PRKAG2: variants seen among roughly 807,000 people sequenced by gnomAD.
The protein encoded by PRKAG2 is protein kinase AMP-activated non-catalytic subunit gamma 2.
PRKAG2 carries 26 observed loss-of-function variants against 69.6 expected under a neutral mutation model. The ratio of observed to expected loss-of-function variants is 0.37; its 90% CI spans 0.27 to 0.52. The LOEUF (loss-of-function observed/expected upper bound fraction) is 0.52, where lower values mean the gene tolerates loss of function less well. PRKAG2 is among the 20% of genes least tolerant of loss of function. The pLI, the probability that PRKAG2 is intolerant of heterozygous loss-of-function variation, is 0.90. For missense variants in PRKAG2, 557 were observed against 740.0 expected (o/e 0.75, Z 2.87); for synonymous variants, 293 against 285.0 (o/e 1.03, Z -0.28).
intron 6 of PRKAG2, among the ~76,000 whole-genome samples, chr7:151,577,667 A>C (rs1180150922): frequency 6.6e-6 from 1 of 152,190 alleles, no homozygotes; most frequent in Non-Finnish European, 1.5e-5. Flanking sequence ...TTCCTGAATC[A>C]ACAATGTTCC....
intron 3 of PRKAG2, among the ~76,000 whole-genome samples, chr7:151,764,441 A>T (rs542673544): frequency 6.6e-5 from 10 of 152,318 alleles, no homozygotes; most frequent in Admixed American, 3.3e-4. Context: ...ACTCAACTCC[A>T]GCTCTGATTT....
intron 5 of PRKAG2, among the ~76,000 whole-genome samples, chr7:151,600,436 G>A (rs1815775098): frequency 1.3e-5 from 2 of 152,212 alleles, no homozygotes; most frequent in Admixed American, 1.3e-4. Flanking sequence ...CATCCATGCA[G>A]CTGGTTTGCC....
intron 4 of PRKAG2, among the ~76,000 whole-genome samples, chr7:151,671,074 C>T (rs143017854): frequency 0.021 from 3,143 of 149,168 alleles, 118 homozygotes; most frequent in African/African-American, 0.072. Context: ...CTTGAGAGGC[C>T]GAGGCAGGAG....
intron 3 of PRKAG2, among the ~76,000 whole-genome samples, chr7:151,694,894 C>T (rs1836338342): frequency 6.6e-6 from 1 of 152,258 alleles, no homozygotes. Flanking sequence ...ACCGCACCCA[C>T]ACGTTTCCTG....
rs1341730435 is a variant in PRKAG2 at position 151,613,157 on chromosome 7, T to C, written c.755-17703A>G. 3.9e-5 allele frequency among the ~76,000 whole-genome samples: 6 copies of C among 152,160 alleles called. No homozygotes were observed. In the South Asian group the frequency reaches 1.0e-3, roughly 26 times the overall value. ...GCAGATGGAAGAAAGACAGTTGGGG[T>C]TGACGCAGTATCTTCTACAATAACG... On this transcript the variant is annotated intron_variant, in intron 5 of 15. Coordinates refer to ENST00000287878, the MANE Select transcript of PRKAG2 (RefSeq NM_016203.4).
At chr7:151,724,196 C>T (rs1366991787) in intron 3 of PRKAG2, among the ~76,000 whole-genome samples, 1 of 152,166 alleles carries the variant, frequency 6.6e-6, no homozygotes, top group African/African-American at 2.4e-5. Context: ...CCGTAAGTTC[C>T]CCCAATAAAA....
At chr7:151,869,303 T>C (rs760766379) in intron 1 of PRKAG2, among the ~76,000 whole-genome samples, 33 of 152,344 alleles carry the variant, frequency 2.2e-4, no homozygotes, top group Non-Finnish European at 4.4e-4. Flanking sequence ...CTCTGCAGTA[T>C]GTAGAGCCTC....
intron 6 of PRKAG2, among the ~76,000 whole-genome samples, chr7:151,584,183 C>T (rs1323856205): frequency 6.6e-6 from 1 of 152,176 alleles, no homozygotes; most frequent in Non-Finnish European, 1.5e-5. Context: ...CCTTCGACTT[C>T]AGAAGAACAG....
intron 5 of PRKAG2, among the ~76,000 whole-genome samples, chr7:151,630,596 C>G (rs535820049): frequency 1.3e-5 from 2 of 152,190 alleles, no homozygotes; most frequent in Non-Finnish European, 2.9e-5. Context: ...TAAGTAGTAG[C>G]GATTCCTCTC....
At chr7:151,858,814 T>G (rs1000322006) in intron 1 of PRKAG2, among the ~76,000 whole-genome samples, 3 of 152,220 alleles carry the variant, frequency 2.0e-5, no homozygotes, top group African/African-American at 7.2e-5. Context: ...GCACCTGCTA[T>G]GCAGAATGCA....
At chr7:151,770,862 G>A (rs536715663) in intron 3 of PRKAG2, among the ~76,000 whole-genome samples, 4 of 152,138 alleles carry the variant, frequency 2.6e-5, no homozygotes, top group Non-Finnish European at 5.9e-5. Context: ...CATGCCCCAC[G>A]CCCCATCCCC....
chr7:151,796,477 C>T (rs995308944), intron 1 of PRKAG2, among the ~76,000 whole-genome samples: 5 of 152,306 alleles, frequency 3.3e-5, no homozygotes, highest in Admixed American at 2.0e-4. Flanking sequence ...TTTAGAAAAG[C>T]ACCACGATCA....
chr7:151,636,298 T>C (rs143765729), intron 4 of PRKAG2, among the ~76,000 whole-genome samples: 104 of 152,294 alleles, frequency 6.8e-4, no homozygotes, highest in African/African-American at 2.3e-3. Context: ...CTTGTACCCA[T>C]TAGCAGTCAC....
intron 3 of PRKAG2, among the ~76,000 whole-genome samples, chr7:151,712,727 C>T (rs972088552): frequency 1.3e-5 from 2 of 152,214 alleles, no homozygotes; most frequent in African/African-American, 2.4e-5. Context: ...TTCAGTCACC[C>T]GGGGCCACGC....
chr7:151,874,029 A>G (rs1012434304), intron 1 of PRKAG2, among the ~76,000 whole-genome samples: 6 of 148,916 alleles, frequency 4.0e-5, no homozygotes, highest in African/African-American at 1.5e-4. Context: ...TATATGATGT[A>G]TATGTATATG....
rs184574216 is a variant in PRKAG2 at position 151,760,638 on chromosome 7, C to T, written c.466+20514G>A. Among the ~76,000 whole-genome samples, 361 of 152,326 alleles carry T rather than the reference C, an allele frequency of 2.4e-3. 6 individuals carry two copies. In the East Asian group the frequency reaches 0.05, roughly 21 times the overall value. ...GCCCCAGACCTCTGAGTGGCTCTCT[C>T]TCTGGCTCCAGTGTGGTCTCCTTAC... On this transcript the variant is annotated intron_variant, in intron 3 of 15. Coordinates refer to ENST00000287878, the MANE Select transcript of PRKAG2 (RefSeq NM_016203.4).
chr7:151,765,854 A>G (rs1167271682), intron 3 of PRKAG2, among the ~76,000 whole-genome samples: 11 of 152,144 alleles, frequency 7.2e-5, no homozygotes, highest in East Asian at 1.9e-4. Flanking sequence ...TAATTCCCCA[A>G]TTAGCCCTGG....
At chr7:151,822,311 G>A (rs1316758210) in intron 1 of PRKAG2, among the ~76,000 whole-genome samples, 6 of 151,998 alleles carry the variant, frequency 3.9e-5, no homozygotes, top group African/African-American at 1.4e-4. Context: ...AGGGCGGGGG[G>A]TGACTTTACT....
At chr7:151,842,019 AGGTAGGGAT>A (rs369018531) in intron 1 of PRKAG2, among the ~76,000 whole-genome samples, 2,160 of 133,648 alleles carry the variant, frequency 0.016, 90 homozygotes, top group African/African-American at 0.06. Flanking sequence ...TAGTGATGGT[AGGTAGGGAT>A]GGTAGTGATG....
Sources: gnomAD v4.1 joint callset for allele counts (sites outside exome capture counted in the v4.1 genomes callset) on GRCh38, gnomAD v4.1.1 for gene constraint, MANE v1.5 for transcripts, NCBI Gene and HGNC (gene_info 2026-07-23, HGNC 2026-07-21) for gene names.